ZNF711: variants seen among roughly 807,000 people sequenced by gnomAD.
The protein encoded by ZNF711 is ZFX family zinc finger ZNF711.
Under a neutral mutation model 43.5 loss-of-function variants are expected in ZNF711, and 3 were observed. That is an observed-to-expected ratio of 0.07 (90% CI 0.03 to 0.18). The LOEUF (loss-of-function observed/expected upper bound fraction) is 0.18. Among genes scored for constraint, ZNF711 ranks in the 10% least tolerant of loss-of-function variants. ZNF711 has a pLI of 1.00. For synonymous variants in ZNF711, 209 were observed against 207.7 expected, an observed-to-expected ratio of 1.01 and a Z score of -0.06; for missense variants, 412 against 604.0, an observed-to-expected ratio of 0.68 and a Z score of 3.33.
At chrX:85,251,005 C>T (rs1370166423) in intron 4 of ZNF711, among the ~76,000 whole-genome samples, 2 of 111,179 alleles carry the variant, frequency 1.8e-5, no homozygotes, top group Non-Finnish European at 3.8e-5. Flanking sequence ...AAGCAGCCCC[C>T]CCATGCTTAT....
chrX:85,268,445 TC>T, intron 9 of ZNF711, 104 bp downstream of exon 9: 1 of 947,179 alleles, frequency 1.1e-6, no homozygotes, highest in Non-Finnish European at 1.5e-6. Flanking sequence ...TTTGTTGGAC[TC>T]TTACTTGCTT....
chrX:85,270,629 A>G, intron 10 of ZNF711, 22 bp from the exon 11 acceptor site: 1 of 1,176,359 alleles, frequency 8.5e-7, no homozygotes, highest in South Asian at 1.8e-5. Context: ...AAATGTCACA[A>G]CTTTCTCTTT....
chrX:85,245,409 T>A (rs1928955374), intron 1 of ZNF711, among the ~76,000 whole-genome samples: 1 of 112,562 alleles, frequency 8.9e-6, no homozygotes, highest in Admixed American at 9.4e-5. Context: ...CTTAACACAC[T>A]GCTGTTTTCA....
At position 85,271,312 on chromosome X, in the gene ZNF711, C is replaced by A. The variant is rs757479437; in HGVS notation, c.1908C>A (p.His636Gln). 8.3e-7 allele frequency: 1 copy of A among 1,210,222 alleles called. No individual in the cohort carries two copies. Among genetic ancestry groups the A allele is most frequent in the Admixed American group, 2.2e-5 (1 of 45,810 alleles). ...HLDLFQGHKT[H>Q]QCPHCDHKST... ...ATTTGTTTCAAGGACATAAGACACA[C>A]CAGTGTCCTCATTGTGACCATAAGA... The change falls in exon 11 of 11, where the codon CAC becomes CAA. Residue 636 changes from histidine (H) to glutamine (Q), a missense_variant. By Grantham distance (24) the His-to-Gln change is conservative. Transcript: ENST00000674551.
At chrX:85,254,445 A>C (rs1304875745) in intron 4 of ZNF711, among the ~76,000 whole-genome samples, 2 of 83,429 alleles carry the variant, frequency 2.4e-5, no homozygotes, top group Non-Finnish European at 4.4e-5. Flanking sequence ...TCTACTAAAA[A>C]AAATACAAAA....
chrX:85,259,603 G>GT (rs757507295), intron 5 of ZNF711, among the ~76,000 whole-genome samples: 2 of 110,808 alleles, frequency 1.8e-5, no homozygotes, highest in Admixed American at 9.6e-5. Context: ...CCTCGTAGAG[G>GT]TTTTTCACCT....
chrX:85,256,170 A>G (rs1297710445), intron 5 of ZNF711, among the ~76,000 whole-genome samples: 1 of 111,465 alleles, frequency 9.0e-6, no homozygotes, highest in Non-Finnish European at 1.9e-5. Context: ...TGAAATTGTC[A>G]ATTAAGTTTT....
chrX:85,247,493 A>G, intron 3 of ZNF711, 54 bp from the exon 4 acceptor site: 1 of 888,019 alleles, frequency 1.1e-6, no homozygotes. Flanking sequence ...TTCTCAAAAC[A>G]ACTAACTTTG....
Position 85,271,959 on chromosome X carries a change from A to G in ZNF711, c.*131A>G. The G allele has an allele frequency of 1.9e-6, 1 of 530,525 alleles. No individual in the cohort carries two copies. The highest frequency in any genetic ancestry group is 3.6e-5 in the Admixed American group (1 of 28,064). The allele number at this position is 530,525 out of a possible 1,213,427, so 43.7% of individuals were successfully genotyped here. ...TGACTTTACATTCTTTGTATTAAAG[A>G]TCTTAAAATATTTGAATTCACAGGG... On this transcript the variant is annotated 3_prime_UTR_variant, in exon 11 of 11. Transcript: ENST00000674551.
At chrX:85,258,036 T>C (rs1054148779) in intron 5 of ZNF711, among the ~76,000 whole-genome samples, 4 of 112,706 alleles carry the variant, frequency 3.5e-5, no homozygotes, top group African/African-American at 1.3e-4. Flanking sequence ...CTACTAGGTA[T>C]CTACCCAGAG....
At position 85,270,524 on chromosome X, in the gene ZNF711, A is replaced by G. The variant is rs1931491801; in HGVS notation, c.1247-127A>G. On this transcript the variant is annotated intron_variant, in intron 10 of 10. Coordinates refer to ENST00000674551, the MANE Select transcript of ZNF711 (RefSeq NM_001330574.2). ...ATTGCTTTTATTATGTATTTTTTAT[A>G]TTACAGGATTTCATTCAACTAGTAT... 5 of 609,714 alleles carry G rather than the reference A, an allele frequency of 8.2e-6. No individual in the cohort carries two copies. In the East Asian group the frequency reaches 1.8e-4, roughly 22 times the overall value. 50.2% of individuals were successfully genotyped at this position (609,714 alleles called of 1,213,427 possible).
rs777107074 is a variant in ZNF711 at position 85,247,585 on chromosome X, G to A, written c.13G>A (p.Gly5Ser). 52 of 1,206,595 alleles carry A rather than the reference G, an allele frequency of 4.3e-5. No homozygotes were observed. Among genetic ancestry groups the A allele is most frequent in the Non-Finnish European group, 5.0e-5 (45 of 893,079 alleles). MDSG[G>S]GSLGLHTPDS... Reference sequence around the variant, plus strand: ...AACTTTGCTAAGTATGGATTCAGGCGGTGGAAGTCTTGGATTGCACACGCC... The same window carrying A: ...AACTTTGCTAAGTATGGATTCAGGCAGTGGAAGTCTTGGATTGCACACGCC... Residue 5 changes from glycine (G) to serine (S), a missense_variant, in exon 4 of 11, where the codon GGT (glycine) becomes AGT (serine). Coordinates refer to ENST00000674551, the MANE Select transcript of ZNF711 (RefSeq NM_001330574.2).
Position 85,255,507 on chromosome X carries a change from G to A in ZNF711, c.328G>A (p.Asp110Asn). Reference sequence around the variant, plus strand: ...AGAGGATTTAGAGGAAGATGATGGTGATCACATCTTGACTTCTGAACTAAT... The same window carrying A: ...AGAGGATTTAGAGGAAGATGATGGTAATCACATCTTGACTTCTGAACTAAT... ...IEEDLEEDDG[D>N]HILTSELITE... Residue 110 changes from aspartate to asparagine, a missense_variant, in exon 5 of 11, where the codon GAT becomes AAT. By Grantham distance (23) the Asp-to-Asn change is conservative. Transcript: ENST00000674551. 1 of 1,211,787 alleles carries A rather than the reference G, an allele frequency of 8.3e-7. No individual in the cohort carries two copies.
intron 10 of ZNF711, among the ~76,000 whole-genome samples, 193 bp from the exon 11 acceptor site, chrX:85,270,458 G>C (rs1931486963): frequency 9.0e-6 from 1 of 111,034 alleles, no homozygotes; most frequent in Non-Finnish European, 1.9e-5. Context: ...GTTCATAGTA[G>C]AGTGCTGCTC....
In ZNF711 at chrX:85,268,291, T is replaced by A. The variant is rs1013575671; in HGVS notation, c.1055-3T>A. On this transcript the variant is annotated splice_region_variant and splice_polypyrimidine_tract_variant and intron_variant, in intron 8 of 10. Transcript: ENST00000674551. ...GTCTTTTTTTTTTTTTTTTTTTTTT[T>A]AGGAGATGAAAGAAGAGTTTCCCGA... 3 of 1,151,867 alleles carry A rather than the reference T, an allele frequency of 2.6e-6. No homozygotes were observed. Among genetic ancestry groups the A allele is most frequent in the Non-Finnish European group, 3.5e-6 (3 of 860,453 alleles). 94.9% of individuals were successfully genotyped at this position (1,151,867 alleles called of 1,213,427 possible).
rs1931688946 is a variant in ZNF711 at position 85,273,323 on chromosome X, T to C, written c.*1495T>C. ...GATTATTATTTCTAAATGTTACTCA[T>C]TGAAATGAGCATACAATAAAAAGCA... On this transcript the variant is annotated 3_prime_UTR_variant, in exon 11 of 11. Transcript: ENST00000674551. 1.8e-5 allele frequency: 2 copies of C among 112,154 alleles called. No individual in the cohort carries two copies. The allele number at this position is 112,154 out of a possible 1,213,427, so 9.2% of individuals were successfully genotyped here. A position where few individuals can be genotyped will look rare whatever the true frequency, so the allele number is the denominator to read the frequency against.
intron 4 of ZNF711, among the ~76,000 whole-genome samples, chrX:85,250,206 C>T (rs914550362): frequency 6.3e-5 from 7 of 111,525 alleles, no homozygotes; most frequent in African/African-American, 2.0e-4. Context: ...CCTTTGGAGG[C>T]GTGTGACAGT....
chrX:85,263,967 G>A (rs903682749), intron 5 of ZNF711, among the ~76,000 whole-genome samples: 2 of 110,315 alleles, frequency 1.8e-5, no homozygotes, highest in Non-Finnish European at 1.9e-5. Flanking sequence ...TTGTGTAGTG[G>A]TGGGGTTTGG....
At chrX:85,260,613 C>CT (rs201304180) in intron 5 of ZNF711, among the ~76,000 whole-genome samples, 23,538 of 108,514 alleles carry the variant, frequency 0.22, 2,431 homozygotes, top group African/African-American at 0.4. Context: ...TAGCCCCCCC[C>CT]CCATCCACTC....
Sources: gnomAD v4.1 joint callset for allele counts (sites outside exome capture counted in the v4.1 genomes callset) on GRCh38, gnomAD v4.1.1 for gene constraint, MANE v1.5 for transcripts, NCBI Gene and HGNC (gene_info 2026-07-23, HGNC 2026-07-21) for gene names.